The following PCDHA5 variants were observed in gnomAD, a reference collection of about 807,000 sequenced individuals.
The protein encoded by PCDHA5 is protocadherin alpha 5.
In PCDHA5, 43 loss-of-function variants were observed where a neutral mutation model predicts 61.6. The observed-to-expected ratio is 0.70, with a 90% CI of 0.55 to 0.90. The LOEUF (loss-of-function observed/expected upper bound fraction) is 0.90. PCDHA5 is among the 40% of genes least tolerant of loss of function. The pLI is 0.00. For synonymous variants in PCDHA5, 627 were observed against 543.9 expected, an observed-to-expected ratio of 1.15 and a Z score of -2.13; for missense variants, 1,298 against 1,222.7, an observed-to-expected ratio of 1.06 and a Z score of -0.92.
chr5:140,898,138 T>C (rs1294129650), intron 1 of PCDHA5, among the ~76,000 whole-genome samples: 1 of 152,208 alleles, frequency 6.6e-6, no homozygotes, highest in African/African-American at 2.4e-5. Flanking sequence ...ATTTTGTAGG[T>C]TGCCTGTTCA....
intron 1 of PCDHA5, chr5:140,834,165 C>T: frequency 1.8e-6 from 1 of 543,158 alleles, no homozygotes; most frequent in Non-Finnish European, 3.2e-6. Flanking sequence ...GTAATTCTTA[C>T]TTACATGATG....
At chr5:141,003,609 G>A (rs2098131688) in intron 3 of PCDHA5, among the ~76,000 whole-genome samples, 1 of 151,970 alleles carries the variant, frequency 6.6e-6, no homozygotes, top group Non-Finnish European at 1.5e-5. Context: ...CACCATTCCC[G>A]GCCCCAGAGG....
intron 1 of PCDHA5, chr5:140,834,576 C>G: frequency 2.5e-6 from 4 of 1,614,098 alleles, no homozygotes; most frequent in Non-Finnish European, 2.5e-6. Flanking sequence ...GCGCCTGTTC[C>G]GGGCGGTGTG....
rs1312920640 is a variant in PCDHA5, at chr5:140,836,835, CT to C, written c.2352+12711del. ...TCATAATTTCTTTTTTAGTTGATAG[CT>C]TTATGTATAATTATTATTTTTTAAT... is the stretch of plus-strand genomic sequence containing the variant. On this transcript the variant is annotated intron_variant, in intron 1 of 3. Transcript: ENST00000529859. 2.4e-5 allele frequency: 21 copies of C among 878,886 alleles called. No individual in the cohort carries two copies. The African/African-American group carries it at 3.6e-4, about 15-fold the overall frequency. The allele number at this position is 878,886 out of a possible 1,614,324, so 54.4% of individuals were successfully genotyped here. A position where few individuals can be genotyped will look rare whatever the true frequency, so the allele number is the denominator to read the frequency against.
At chr5:140,860,333 A>T (rs147859732) in intron 1 of PCDHA5, 1 of 152,198 alleles carries the variant, frequency 6.6e-6, no homozygotes, top group African/African-American at 2.4e-5. Context: ...GTGACCCATG[A>T]TTGTGCCACT....
chr5:140,950,668 T>C (rs185130303), intron 1 of PCDHA5, among the ~76,000 whole-genome samples: 5 of 152,238 alleles, frequency 3.3e-5, no homozygotes, highest in African/African-American at 9.6e-5. Flanking sequence ...TTATCAAACA[T>C]GTACATGTAT....
chr5:140,880,645 C>A (rs535367313), intron 1 of PCDHA5, among the ~76,000 whole-genome samples: 1 of 152,032 alleles, frequency 6.6e-6, no homozygotes, highest in Admixed American at 6.6e-5. Context: ...CACTTGAGAG[C>A]CCAACTGAGG....
chr5:140,853,968 T>C lies in PCDHA5; in HGVS notation c.2352+29841T>C. On this transcript the variant is annotated intron_variant, in intron 1 of 3. Transcript: ENST00000529859. ...AGGGTCCCTTCCTTGAGCCCAGCAG[T>C]TTGAGACCAATGTAGTGAGACTCAT... 9 of 656,022 alleles carry C rather than the reference T, an allele frequency of 1.4e-5. 1 individual carries two copies. The highest frequency in any genetic ancestry group is 1.7e-5 in the Non-Finnish European group (9 of 516,032). 40.6% of individuals were successfully genotyped at this position (656,022 alleles called of 1,614,324 possible).
At chr5:140,883,547 G>GC in intron 1 of PCDHA5, 5 of 1,614,234 alleles carry the variant, frequency 3.1e-6, no homozygotes, top group Non-Finnish European at 3.4e-6. Context: ...GGTGGTGACC[G>GC]CGCGGGACGG....
At position 140,851,072 on chromosome 5, in the gene PCDHA5, A is replaced by G; in HGVS notation, c.2352+26945A>G. The stretch of plus-strand genomic sequence containing the variant: ...TTTGTCTTGACTTCTAGTGAGAATT[A>G]TAAACTGTATATTAAATAGATATTT... On this transcript the variant is annotated intron_variant, in intron 1 of 3. Coordinates refer to ENST00000529859, the MANE Select transcript of PCDHA5 (RefSeq NM_018908.3). The G allele has an allele frequency of 5.9e-6, 8 of 1,346,802 alleles. 1 individual carries two copies. The highest frequency in any genetic ancestry group is 7.8e-6 in the Non-Finnish European group (8 of 1,027,866). The allele number at this position is 1,346,802 out of a possible 1,614,324, so 83.4% of individuals were successfully genotyped here. A position where few individuals can be genotyped will look rare whatever the true frequency, so the allele number is the denominator to read the frequency against.
chr5:140,864,177 A>G (rs2048351584), intron 1 of PCDHA5: 1 of 152,222 alleles, frequency 6.6e-6, no homozygotes, highest in Non-Finnish European at 1.5e-5. Context: ...AAGGATCATG[A>G]TGAATAATGA....
At chr5:140,829,702 G>C in intron 1 of PCDHA5, 4 of 1,613,390 alleles carry the variant, frequency 2.5e-6, no homozygotes, top group Non-Finnish European at 3.4e-6. Context: ...AGGTGAGCGC[G>C]CGCGACGCGG....
chr5:140,836,501 G>A (rs1554136017), intron 1 of PCDHA5: 4 of 1,613,866 alleles, frequency 2.5e-6, no homozygotes, highest in Admixed American at 1.7e-5. Flanking sequence ...CCATCTGCGC[G>A]GTGTCCAGTC....
intron 3 of PCDHA5, among the ~76,000 whole-genome samples, chr5:141,001,290 G>A (rs2098005878): frequency 6.6e-6 from 1 of 152,100 alleles, no homozygotes; most frequent in Non-Finnish European, 1.5e-5. Flanking sequence ...GATGAAAACT[G>A]AGGCCCAGAG....
Position 140,856,142 on chromosome 5 carries a change from T to C in PCDHA5, c.2352+32015T>C. 6.3e-7 allele frequency: 1 copy of C among 1,598,234 alleles called. No homozygotes were observed. Among genetic ancestry groups the C allele is most frequent in the Non-Finnish European group, 8.6e-7 (1 of 1,167,842 alleles). ...GGAGGTGGGGAGCGGCCAGCTCCAC[T>C]ACTCAGTCTACGAGGAGGCCAGACA... On this transcript the variant is annotated intron_variant, in intron 1 of 3. Transcript: ENST00000529859.
intron 3 of PCDHA5, among the ~76,000 whole-genome samples, chr5:140,992,799 A>T (rs577698123): frequency 6.6e-6 from 1 of 152,274 alleles, no homozygotes; most frequent in African/African-American, 2.4e-5. Flanking sequence ...TTATGGATCC[A>T]TATGTATCTA....
chr5:140,968,025 C>T lies in PCDHA5; in HGVS notation c.2353-10924C>T, dbSNP rs782679458. ...CTGAATGGCTTTGGAAACTCCTATA[C>T]ACTGGTGGTGAGCGGCCCACTGGAC... On this transcript the variant is annotated intron_variant, in intron 1 of 3. Coordinates refer to ENST00000529859, the MANE Select transcript of PCDHA5 (RefSeq NM_018908.3). 4.3e-6 allele frequency: 7 copies of T among 1,614,200 alleles called. No individual in the cohort carries two copies. In the South Asian group the frequency reaches 6.6e-5, roughly 15 times the overall value.
intron 1 of PCDHA5, among the ~76,000 whole-genome samples, chr5:140,903,182 G>A (rs1030121963): frequency 1.3e-5 from 2 of 152,164 alleles, no homozygotes; most frequent in Non-Finnish European, 2.9e-5. Flanking sequence ...CCCACCAATA[G>A]TATAAAAGAG....
chr5:141,000,015 G>A (rs960608216), intron 3 of PCDHA5, among the ~76,000 whole-genome samples: 8 of 151,984 alleles, frequency 5.3e-5, no homozygotes, highest in Non-Finnish European at 5.9e-5. Flanking sequence ...CCTCCCCATT[G>A]CTAAGCCTGA....
Sources: allele counts gnomAD v4.1 joint callset (sites outside exome capture counted in the v4.1 genomes callset), GRCh38; gene constraint gnomAD v4.1.1; transcripts MANE v1.5; gene names NCBI Gene and HGNC (gene_info 2026-07-23, HGNC 2026-07-21).